Variants in LDAH observed in about 807,000 individuals in gnomAD.
LDAH encodes lipid droplet associated hydrolase.
In LDAH, 26 loss-of-function variants were observed where a neutral mutation model predicts 29.6. The ratio of observed to expected loss-of-function variants is 0.88; its 90% CI spans 0.64 to 1.22. LDAH has a LOEUF of 1.22. LDAH is among the 50% of genes most tolerant of loss of function. The pLI is 0.00. For synonymous variants in LDAH, 117 were observed against 133.0 expected, an observed-to-expected ratio of 0.88 and a Z score of 0.83; for missense variants, 344 against 387.3, an observed-to-expected ratio of 0.89 and a Z score of 0.94.
At chr2:20,778,922 CAT>C (rs58528359) in intron 3 of LDAH, among the ~76,000 whole-genome samples, 64,641 of 147,616 alleles carry the variant, frequency 0.44, 14,472 homozygotes, top group East Asian at 0.61. Context: ...AACTGCCATT[CAT>C]ATATATATAT....
intron 4 of LDAH, among the ~76,000 whole-genome samples, chr2:20,770,722 A>T (rs537650268): frequency 6.6e-6 from 1 of 152,326 alleles, no homozygotes; most frequent in East Asian, 1.9e-4. Flanking sequence ...TGTACACTGC[A>T]GGGCACACTG....
chr2:20,759,308 A>G (rs1406572005), intron 4 of LDAH, among the ~76,000 whole-genome samples: 3 of 152,154 alleles, frequency 2.0e-5, no homozygotes, highest in Non-Finnish European at 2.9e-5. Flanking sequence ...TCTTTTATGT[A>G]TCAATACACC....
chr2:20,785,490 T>C (rs922439777), intron 3 of LDAH, among the ~76,000 whole-genome samples: 2 of 152,252 alleles, frequency 1.3e-5, no homozygotes, highest in African/African-American at 4.8e-5. Context: ...TTTGGCTTTC[T>C]GCAACTTAAG....
chr2:20,687,307 T>C (rs1662635506), intron 6 of LDAH, among the ~76,000 whole-genome samples: 1 of 152,196 alleles, frequency 6.6e-6, no homozygotes, highest in African/African-American at 2.4e-5. Flanking sequence ...AAGATCCCCA[T>C]GCTGGGAGAC....
rs139621804 is a variant in LDAH at position 20,732,026 on chromosome 2, C to T, written c.703+7945G>A. Among the ~76,000 whole-genome samples the T allele has an allele frequency of 4.1e-4, 62 of 152,236 alleles. No homozygotes were observed. The East Asian group carries it at 0.011, about 27-fold the overall frequency. ...CCTTACCTTACTGGACTGACTAGAACGTCCAGCACTATGTTGAATAAGAGT... is the reference window on the plus strand; with the variant it reads ...CCTTACCTTACTGGACTGACTAGAATGTCCAGCACTATGTTGAATAAGAGT... On this transcript the variant is annotated intron_variant, in intron 5 of 6. Coordinates refer to ENST00000237822, the MANE Select transcript of LDAH (RefSeq NM_021925.4).
chr2:20,803,638 C>T (rs1354162330), intron 1 of LDAH, among the ~76,000 whole-genome samples: 1 of 152,136 alleles, frequency 6.6e-6, no homozygotes, highest in East Asian at 1.9e-4. Context: ...TGCTCTCCTA[C>T]CAGTCTTAAC....
intron 1 of LDAH, among the ~76,000 whole-genome samples, chr2:20,816,451 C>CT (rs1039553668): frequency 2.6e-5 from 4 of 151,896 alleles, no homozygotes; most frequent in Non-Finnish European, 4.4e-5. Context: ...ATACTAACTA[C>CT]TTTTTTTAAG....
At chr2:20,709,324 A>T (rs189495670) in intron 5 of LDAH, among the ~76,000 whole-genome samples, 1 of 152,318 alleles carries the variant, frequency 6.6e-6, no homozygotes, top group African/African-American at 2.4e-5. Flanking sequence ...ATCCAAAAAA[A>T]ATCCCATATC....
intron 4 of LDAH, among the ~76,000 whole-genome samples, chr2:20,769,327 C>G (rs1175366684): frequency 6.6e-6 from 1 of 152,170 alleles, no homozygotes; most frequent in East Asian, 1.9e-4. Flanking sequence ...ATTTTGCCTT[C>G]CGTGTCTTGT....
chr2:20,707,833 G>A (rs994236996), intron 5 of LDAH, among the ~76,000 whole-genome samples: 1 of 152,208 alleles, frequency 6.6e-6, no homozygotes, highest in Non-Finnish European at 1.5e-5. Flanking sequence ...AGCAAGTGAA[G>A]CTTTATCTGT....
At chr2:20,802,344 G>A (rs755883690) in intron 1 of LDAH, among the ~76,000 whole-genome samples, 8 of 152,142 alleles carry the variant, frequency 5.3e-5, no homozygotes, top group Non-Finnish European at 1.0e-4. Flanking sequence ...ACAGGCATGA[G>A]CCATCACATC....
chr2:20,732,778 T>C (rs1239249169), intron 5 of LDAH, among the ~76,000 whole-genome samples: 1 of 152,214 alleles, frequency 6.6e-6, no homozygotes, highest in Non-Finnish European at 1.5e-5. Flanking sequence ...CAGCTGTTTT[T>C]TCTTTGTCAG....
At chr2:20,734,863 T>C (rs4971546) in intron 5 of LDAH, among the ~76,000 whole-genome samples, 33,787 of 152,158 alleles carry the variant, frequency 0.22, 3,877 homozygotes, top group Admixed American at 0.26. Flanking sequence ...TTTGAGAATG[T>C]TAAATTTCCC....
chr2:20,790,114 T>C (rs1328262355), intron 3 of LDAH, 141 bp downstream of exon 3: 2 of 803,672 alleles, frequency 2.5e-6, no homozygotes, highest in Non-Finnish European at 3.9e-6. Context: ...CTAAAAATCC[T>C]AAGTTTACCA....
chr2:20,780,439 C>T (rs576902397), intron 3 of LDAH, among the ~76,000 whole-genome samples: 1 of 152,032 alleles, frequency 6.6e-6, no homozygotes, highest in Admixed American at 6.5e-5. Flanking sequence ...AAGTGTGTTA[C>T]TTTTTATTGT....
At chr2:20,789,413 A>C (rs1191653066) in intron 3 of LDAH, 4 of 1,448,298 alleles carry the variant, frequency 2.8e-6, no homozygotes, top group Non-Finnish European at 3.6e-6. Flanking sequence ...GTCCAGTCTC[A>C]AGAAACTATG....
chr2:20,700,177 C>A lies in LDAH; in HGVS notation c.786+1393G>T, dbSNP rs139095428. 1.2e-3 allele frequency among the ~76,000 whole-genome samples: 185 copies of A among 152,352 alleles called. 1 individual carries two copies. Among genetic ancestry groups the A allele is most frequent in the Middle Eastern group, 0.01 (3 of 294 alleles). On this transcript the variant is annotated intron_variant, in intron 6 of 6. Coordinates refer to ENST00000237822, the MANE Select transcript of LDAH (RefSeq NM_021925.4). ...CTGTTTTTCTTGTATTTTCACATCG[C>A]TCAGTGACTGGAAGTAGCTGAAAGC...
At chr2:20,739,887 T>G in intron 5 of LDAH, 84 bp downstream of exon 5, 12 of 940,776 alleles carry the variant, frequency 1.3e-5, no homozygotes, top group Non-Finnish European at 1.9e-5. Flanking sequence ...ATTGCTTGCT[T>G]GATATTTGTC....
Position 20,801,446 on chromosome 2 carries a change from C to CT in LDAH, c.17dup (p.Glu7GlyfsTer7). Reference sequence around the variant, plus strand: ...ATTCCTCATGCACAGGAATTTCTTCCTTGAGTTCTGAGTCCATTTCTAAAT... The same window carrying CT: ...ATTCCTCATGCACAGGAATTTCTTCCTTTGAGTTCTGAGTCCATTTCTAAAT... On this transcript the variant is annotated frameshift_variant, in exon 2 of 7. Transcript: ENST00000237822. LOFTEE classifies it high-confidence loss of function. The CT allele has an allele frequency of 6.2e-7, 1 of 1,613,988 alleles. No individual in the cohort carries two copies. The highest frequency in any genetic ancestry group is 1.1e-5 in the South Asian group (1 of 91,066).
Sources: gnomAD v4.1 joint callset for allele counts (sites outside exome capture counted in the v4.1 genomes callset) on GRCh38, gnomAD v4.1.1 for gene constraint, MANE v1.5 for transcripts, NCBI Gene and HGNC (gene_info 2026-07-23, HGNC 2026-07-21) for gene names.